ADAMTS19: variants seen among roughly 807,000 people sequenced by gnomAD.
ADAMTS19 encodes A disintegrin and metalloproteinase with thrombospondin motifs 19.
A neutral mutation model predicts 153.3 loss-of-function variants in ADAMTS19; 93 were observed. The observed-to-expected ratio is 0.61, with a 90% confidence interval of 0.51 to 0.72. ADAMTS19 has a LOEUF of 0.72. Ranked by LOEUF, ADAMTS19 falls within the 30% of genes least tolerant of loss-of-function variation. ADAMTS19 has a pLI of 0.00. For synonymous variants in ADAMTS19, 600 were observed against 556.6 expected, an observed-to-expected ratio of 1.08 and a Z score of -1.10; for missense variants, 1,482 against 1,552.1, an observed-to-expected ratio of 0.95 and a Z score of 0.76.
At chr5:129,658,234 C>T (rs560595420) in intron 14 of ADAMTS19, among the ~76,000 whole-genome samples, 23 of 151,030 alleles carry the variant, frequency 1.5e-4, no homozygotes, top group Non-Finnish European at 2.7e-4. Context: ...TGCAGTGAGC[C>T]GAGATGGAGC....
At chr5:129,534,733 G>A (rs1752350411) in intron 6 of ADAMTS19, among the ~76,000 whole-genome samples, 1 of 152,312 alleles carries the variant, frequency 6.6e-6, no homozygotes, top group South Asian at 2.1e-4. Context: ...CCATGATCAA[G>A]TGGGCTTCAT....
At chr5:129,733,496 G>A (rs1757533959) in intron 21 of ADAMTS19, among the ~76,000 whole-genome samples, 2 of 151,918 alleles carry the variant, frequency 1.3e-5, no homozygotes, top group Admixed American at 6.6e-5. Context: ...AGTGGGCAAA[G>A]GACATGAACA....
At chr5:129,521,745 A>G (rs369522335) in intron 3 of ADAMTS19, among the ~76,000 whole-genome samples, 14 of 152,232 alleles carry the variant, frequency 9.2e-5, no homozygotes, top group Admixed American at 7.2e-4. Context: ...TTCAAATTCC[A>G]TGTTTTACTA....
At chr5:129,633,430 T>C (rs1752395784) in intron 10 of ADAMTS19, among the ~76,000 whole-genome samples, 3 of 152,186 alleles carry the variant, frequency 2.0e-5, no homozygotes, top group East Asian at 1.9e-4. Flanking sequence ...TTTACTTCTA[T>C]ACTAGAAATG....
intron 7 of ADAMTS19, among the ~76,000 whole-genome samples, chr5:129,572,717 C>G (rs1249813367): frequency 1.3e-5 from 2 of 151,850 alleles, no homozygotes; most frequent in Admixed American, 1.3e-4. Flanking sequence ...TTCTAAAAAA[C>G]AAACATAATG....
At chr5:129,719,827 G>A (rs1352628530) in intron 21 of ADAMTS19, among the ~76,000 whole-genome samples, 1 of 152,046 alleles carries the variant, frequency 6.6e-6, no homozygotes, top group African/African-American at 2.4e-5. Context: ...GATCACTTGA[G>A]GTCAGGAGTT....
chr5:129,612,335 TG>T (rs1751271609), intron 8 of ADAMTS19, among the ~76,000 whole-genome samples: 1 of 151,976 alleles, frequency 6.6e-6, no homozygotes, highest in Non-Finnish European at 1.5e-5. Context: ...TAGTATTCCA[TG>T]GTGTATATGT....
intron 2 of ADAMTS19, among the ~76,000 whole-genome samples, chr5:129,467,822 G>A (rs190343108): frequency 5.9e-5 from 9 of 152,290 alleles, no homozygotes; most frequent in South Asian, 2.1e-4. Context: ...CCTATTCCCC[G>A]GTTAGTACTT....
chr5:129,649,142 A>G (rs924718705), intron 13 of ADAMTS19, among the ~76,000 whole-genome samples, 172 bp downstream of exon 13: 1 of 152,240 alleles, frequency 6.6e-6, no homozygotes, highest in Non-Finnish European at 1.5e-5. Context: ...AATATATTTT[A>G]AAAATATGAG....
intron 10 of ADAMTS19, among the ~76,000 whole-genome samples, chr5:129,628,094 A>T (rs1359642897): frequency 6.6e-6 from 1 of 152,168 alleles, no homozygotes; most frequent in Non-Finnish European, 1.5e-5. Context: ...AATGTGGTAC[A>T]TATACACTAT....
At chr5:129,549,558 C>A in intron 6 of ADAMTS19, among the ~76,000 whole-genome samples, 1 of 151,268 alleles carries the variant, frequency 6.6e-6, no homozygotes, top group East Asian at 1.9e-4. Context: ...TTGAGATAAA[C>A]AAATCAAAAA....
chr5:129,608,791 G>A (rs1751051291), intron 8 of ADAMTS19, among the ~76,000 whole-genome samples: 1 of 148,758 alleles, frequency 6.7e-6, no homozygotes, highest in Non-Finnish European at 1.5e-5. Flanking sequence ...AGGTTGCAGT[G>A]AGCTGAGATC....
Position 129,461,369 on chromosome 5 carries a change from A to G in ADAMTS19, c.359A>G (p.Asp120Gly). ...RPPPPSEGEE[D>G]EELESQELPR... ...CCGCCGCCGTCGGAGGGTGAGGAGG[A>G]CGAGGAGCTCGAGTCGCAGGAGCTG... Residue 120 changes from aspartate to glycine, a missense_variant, in exon 2 of 23, where the codon GAC becomes GGC. Transcript: ENST00000274487. This position sits in a 1 kb window ranked among gnomAD's most constrained non-coding sequence, Gnocchi z 4.6. The G allele has an allele frequency of 7.4e-7, 1 of 1,346,412 alleles. No individual in the cohort carries two copies. Among genetic ancestry groups the G allele is most frequent in the Non-Finnish European group, 9.4e-7 (1 of 1,059,720 alleles). The allele number at this position is 1,346,412 out of a possible 1,614,324, so 83.4% of individuals were successfully genotyped here.
At chr5:129,649,213 C>A (rs1359396870) in intron 13 of ADAMTS19, among the ~76,000 whole-genome samples, 1 of 152,166 alleles carries the variant, frequency 6.6e-6, no homozygotes, top group East Asian at 1.9e-4. Context: ...ACACTAACTG[C>A]TAGTGAGGAT....
chr5:129,521,418 G>T (rs1751793624), intron 3 of ADAMTS19, among the ~76,000 whole-genome samples: 1 of 152,020 alleles, frequency 6.6e-6, no homozygotes, highest in African/African-American at 2.4e-5. Context: ...ATATGAATTA[G>T]ATATTGCAAT....
intron 7 of ADAMTS19, among the ~76,000 whole-genome samples, chr5:129,584,353 C>A (rs1281087377): frequency 6.6e-6 from 1 of 152,186 alleles, no homozygotes; most frequent in Admixed American, 6.5e-5. Flanking sequence ...GAGGTGTCTC[C>A]CATTCAGGAG....
chr5:129,627,613 C>G (rs923329793), intron 10 of ADAMTS19, among the ~76,000 whole-genome samples: 1 of 151,212 alleles, frequency 6.6e-6, no homozygotes, highest in African/African-American at 2.4e-5. Flanking sequence ...AAAGGAAAAA[C>G]CGACCCCATT....
At chr5:129,518,151 A>G (rs549867811) in intron 3 of ADAMTS19, among the ~76,000 whole-genome samples, 1 of 152,150 alleles carries the variant, frequency 6.6e-6, no homozygotes, top group East Asian at 1.9e-4. Context: ...TGTACTGACT[A>G]TGTCTTGAAA....
intron 8 of ADAMTS19, among the ~76,000 whole-genome samples, chr5:129,607,180 G>A (rs1216545941): frequency 6.6e-6 from 1 of 152,178 alleles, no homozygotes. Context: ...GCCTCCCAAA[G>A]TGTTGGGATT....
Sources: allele counts gnomAD v4.1 joint callset (sites outside exome capture counted in the v4.1 genomes callset), GRCh38; gene constraint gnomAD v4.1.1; non-coding constraint Gnocchi (gnomAD v3.1); transcripts MANE v1.5; gene names NCBI Gene and HGNC (gene_info 2026-07-23, HGNC 2026-07-21).